CYP39A1: variants seen among roughly 807,000 people sequenced by gnomAD.
CYP39A1 encodes the protein 24-hydroxycholesterol 7-alpha-hydroxylase.
CYP39A1 carries 49 observed loss-of-function variants against 58.1 expected under a neutral mutation model. The observed-to-expected ratio is 0.84, with a 90% CI of 0.67 to 1.07. The LOEUF is 1.07. Ranked by LOEUF, CYP39A1 falls within the 50% of genes least tolerant of loss-of-function variation. CYP39A1 has a pLI of 0.00. For missense variants in CYP39A1, 531 were observed against 539.4 expected, an observed-to-expected ratio of 0.98 and a Z score of 0.16; for synonymous variants, 209 against 187.6, an observed-to-expected ratio of 1.11 and a Z score of -0.93.
At chr6:46,555,856 C>T (rs562740627) in intron 10 of CYP39A1, among the ~76,000 whole-genome samples, 1 of 152,158 alleles carries the variant, frequency 6.6e-6, no homozygotes, top group South Asian at 2.1e-4. Context: ...TATAATCCAT[C>T]TGAATATCAC....
chr6:46,617,580 A>T (rs1404056846), intron 7 of CYP39A1, among the ~76,000 whole-genome samples: 6 of 152,172 alleles, frequency 3.9e-5, no homozygotes, highest in Admixed American at 6.5e-5. Context: ...TTGAAGCATC[A>T]TAATTCAGGG....
intron 10 of CYP39A1, among the ~76,000 whole-genome samples, chr6:46,569,353 A>ATTTCTTTTATT (rs752993057): frequency 1.1e-4 from 16 of 151,924 alleles, no homozygotes; most frequent in Non-Finnish European, 1.6e-4. Flanking sequence ...TCCAATTTGG[A>ATTTCTTTTATT]TTTCTTTTAT....
intron 10 of CYP39A1, among the ~76,000 whole-genome samples, chr6:46,584,213 T>A (rs1157023099): frequency 6.6e-6 from 1 of 152,206 alleles, no homozygotes; most frequent in Non-Finnish European, 1.5e-5. Context: ...AAGGACATTT[T>A]AAAACAGAAA....
intron 1 of CYP39A1, among the ~76,000 whole-genome samples, chr6:46,649,448 T>C (rs551144535): frequency 6.6e-5 from 10 of 152,324 alleles, no homozygotes; most frequent in East Asian, 1.9e-4. Context: ...TGCAAGATCA[T>C]TGCAGGTTAT....
At chr6:46,626,082 T>C (rs1472905439) in intron 6 of CYP39A1, among the ~76,000 whole-genome samples, 1 of 151,996 alleles carries the variant, frequency 6.6e-6, no homozygotes, top group Non-Finnish European at 1.5e-5. Flanking sequence ...TCTGAATTAG[T>C]AAATAAAAGA....
In CYP39A1 at chr6:46,637,857, C is replaced by G; in HGVS notation, c.610G>C (p.Gly204Arg). 1.2e-6 allele frequency: 2 copies of G among 1,612,288 alleles called. No individual in the cohort carries two copies. Among genetic ancestry groups the G allele is most frequent in the South Asian group, 2.2e-5 (2 of 90,510 alleles). Residue 204 changes from glycine to arginine, a missense_variant, in exon 4 of 12, where the codon GGG becomes CGG. Gly to Arg is a moderately radical substitution (Grantham distance 125, BLOSUM62 -2). Coordinates refer to ENST00000275016, the MANE Select transcript of CYP39A1 (RefSeq NM_016593.5). ...AGAAGACACTCTGGCAACTGGGACC[C>G]ATACTCAAAATCTTCATCATAAACT... is the stretch of plus-strand genomic sequence containing the variant. ...FQVYDEDFEY[G>R]SQLPECLLRN...
At chr6:46,635,095 C>T (rs758314248) in intron 5 of CYP39A1, among the ~76,000 whole-genome samples, 2 of 152,118 alleles carry the variant, frequency 1.3e-5, no homozygotes, top group African/African-American at 2.4e-5. Flanking sequence ...TTCCTAAGGC[C>T]ATCTTCCTTT....
intron 7 of CYP39A1, among the ~76,000 whole-genome samples, chr6:46,613,665 G>A (rs2150553333): frequency 6.7e-6 from 1 of 149,552 alleles, no homozygotes; most frequent in African/African-American, 2.4e-5. Flanking sequence ...AAAGTCAAAT[G>A]CAAAAGTGAA....
At chr6:46,585,020 T>C (rs939957960) in intron 10 of CYP39A1, among the ~76,000 whole-genome samples, 1 of 152,092 alleles carries the variant, frequency 6.6e-6, no homozygotes, top group Non-Finnish European at 1.5e-5. Context: ...TTGCACAGAG[T>C]AAGAGCTCAG....
chr6:46,574,666 G>C (rs1425362069), intron 10 of CYP39A1, among the ~76,000 whole-genome samples: 1 of 152,078 alleles, frequency 6.6e-6, no homozygotes, highest in Non-Finnish European at 1.5e-5. Flanking sequence ...ACCCTAAGTG[G>C]CCTTTCTTTC....
At chr6:46,638,102 T>G in intron 3 of CYP39A1, 124 bp from the exon 4 acceptor site, 1 of 946,340 alleles carries the variant, frequency 1.1e-6, no homozygotes, top group Non-Finnish European at 1.5e-6. Flanking sequence ...CAGATTCTCT[T>G]GGGAAAAAGT....
chr6:46,591,185 C>T (rs1772810976), intron 8 of CYP39A1, among the ~76,000 whole-genome samples: 2 of 152,106 alleles, frequency 1.3e-5, no homozygotes, highest in East Asian at 1.9e-4. Flanking sequence ...TTTAGGTTTA[C>T]ATTTTTATGT....
intron 10 of CYP39A1, among the ~76,000 whole-genome samples, chr6:46,581,744 C>T (rs1407633817): frequency 6.6e-6 from 1 of 151,996 alleles, no homozygotes; most frequent in Non-Finnish European, 1.5e-5. Flanking sequence ...TCTACCCATG[C>T]AACAAACTTG....
In CYP39A1 at chr6:46,639,622, A is replaced by G. The variant is rs778065213; in HGVS notation, c.360T>C (p.Tyr120=). The part of the protein sequence containing the change: ...NVFLALHEKL[Y]IMLKGKMGTV... ...TCCCCATTTTCCCTTTCAACATAAT[A>G]TAGAGTTTTTCATGCAGTGCTAAAA... Residue 120 remains tyrosine (Y), a synonymous_variant, in exon 3 of 12, where the codon TAT becomes TAC. Transcript: ENST00000275016. 2.5e-6 allele frequency: 4 copies of G among 1,613,952 alleles called. No homozygotes were observed. The highest frequency in any genetic ancestry group is 2.2e-5 in the East Asian group (1 of 44,854).
chr6:46,634,897 T>A (rs528499179), intron 5 of CYP39A1, among the ~76,000 whole-genome samples: 1 of 152,322 alleles, frequency 6.6e-6, no homozygotes, highest in East Asian at 1.9e-4. Flanking sequence ...TCTCGATACA[T>A]CTTTTATATA....
chr6:46,577,881 A>T (rs1301085741), intron 10 of CYP39A1, among the ~76,000 whole-genome samples: 1 of 152,166 alleles, frequency 6.6e-6, no homozygotes, highest in Non-Finnish European at 1.5e-5. Context: ...CAAAGCAGAA[A>T]ATCTAACAAA....
intron 6 of CYP39A1, among the ~76,000 whole-genome samples, chr6:46,626,878 G>A (rs890416434): frequency 1.3e-5 from 2 of 152,124 alleles, no homozygotes; most frequent in African/African-American, 4.8e-5. Context: ...CAGAGTTCAT[G>A]TTGGGGAAAA....
intron 7 of CYP39A1, among the ~76,000 whole-genome samples, chr6:46,601,806 C>T (rs931614579): frequency 1.3e-5 from 2 of 151,786 alleles, no homozygotes; most frequent in Non-Finnish European, 2.9e-5. Context: ...CAGGCGTGAG[C>T]CACCATGCCC....
At chr6:46,616,541 C>A (rs1774621713) in intron 7 of CYP39A1, among the ~76,000 whole-genome samples, 1 of 151,856 alleles carries the variant, frequency 6.6e-6, no homozygotes, top group Admixed American at 6.6e-5. Context: ...CCATTTATCA[C>A]CTTTTAATAT....
Sources: allele counts gnomAD v4.1 joint callset (sites outside exome capture counted in the v4.1 genomes callset), GRCh38; gene constraint gnomAD v4.1.1; transcripts MANE v1.5; gene names NCBI Gene and HGNC (gene_info 2026-07-23, HGNC 2026-07-21).